Variants in MLLT1 observed in about 807,000 individuals in gnomAD.
The protein encoded by MLLT1 is MLLT1 super elongation complex subunit.
In MLLT1, 11 loss-of-function variants were observed where a neutral mutation model predicts 55.1. The ratio of observed to expected loss-of-function variants is 0.20; its 90% CI spans 0.13 to 0.33. MLLT1 has a LOEUF of 0.33. Ranked by LOEUF, MLLT1 falls within the 10% of genes least tolerant of loss-of-function variation. The pLI, the probability that MLLT1 is intolerant of heterozygous loss-of-function variation, is 1.00. For missense variants in MLLT1, 536 were observed against 760.6 expected, an observed-to-expected ratio of 0.70 and a Z score of 3.47; for synonymous variants, 323 against 320.1, an observed-to-expected ratio of 1.01 and a Z score of -0.10.
At chr19:6,278,120 C>T (rs761964307) in intron 1 of MLLT1, among the ~76,000 whole-genome samples, 17 of 152,308 alleles carry the variant, frequency 1.1e-4, no homozygotes, top group South Asian at 4.1e-4. Flanking sequence ...ACTTCAGTGG[C>T]GCCAGCAGCC....
intron 2 of MLLT1, among the ~76,000 whole-genome samples, chr19:6,268,955 A>G (rs56132639): frequency 0.03 from 4,643 of 152,328 alleles, 219 homozygotes; most frequent in African/African-American, 0.11. Context: ...AGGTGAAATC[A>G]ACAGCCTCAA....
Position 6,270,888 on chromosome 19 carries a change from A to T in MLLT1, c.13-129T>A. Reference sequence around the variant, plus strand: ...ATACGCTCTCAACCCAGTGAGCAGCACACAGACGGCTTCCTATCGCGCCAG... The same window carrying T: ...ATACGCTCTCAACCCAGTGAGCAGCTCACAGACGGCTTCCTATCGCGCCAG... On this transcript the variant is annotated intron_variant, in intron 1 of 11. Transcript: ENST00000252674. The surrounding 1 kb of genome is among the most constrained non-coding windows in gnomAD (Gnocchi z 7.1). The T allele has an allele frequency of 2.3e-6, 2 of 869,422 alleles. No individual in the cohort carries two copies. The highest frequency in any genetic ancestry group is 3.4e-6 in the Non-Finnish European group (2 of 588,028). The allele number at this position is 869,422 out of a possible 1,614,324, so 53.9% of individuals were successfully genotyped here.
Position 6,231,516 on chromosome 19 carries a change from A to G in MLLT1, c.277-803T>C, listed in dbSNP as rs2144879909. Among the ~76,000 whole-genome samples the G allele has an allele frequency of 6.6e-6, 1 of 151,774 alleles. No individual in the cohort carries two copies. Among genetic ancestry groups the G allele is most frequent in the East Asian group, 2.0e-4 (1 of 5,126 alleles). The stretch of plus-strand genomic sequence containing the variant: ...GTGAACCTTGAAATTTCGAAGCAAG[A>G]CATTTTTTTTTTTGAGATGGAGTCT... On this transcript the variant is annotated intron_variant, in intron 3 of 11. Coordinates refer to ENST00000252674, the MANE Select transcript of MLLT1 (RefSeq NM_005934.4). The surrounding 1 kb of genome is among the most constrained non-coding windows in gnomAD (Gnocchi z 5.1).
At chr19:6,266,519 C>T (rs1352401323) in intron 2 of MLLT1, among the ~76,000 whole-genome samples, 1 of 151,898 alleles carries the variant, frequency 6.6e-6, no homozygotes, top group Non-Finnish European at 1.5e-5. Context: ...TGCAGTGGTA[C>T]GACCTCAGCT....
At chr19:6,214,978 G>A (rs970422654) in intron 8 of MLLT1, among the ~76,000 whole-genome samples, 20 of 152,016 alleles carry the variant, frequency 1.3e-4, no homozygotes, top group African/African-American at 3.9e-4. Context: ...GCTGCCTCCC[G>A]GCTCTGGCAG....
In MLLT1 at chr19:6,228,374, G is replaced by A. The variant is rs116163642; in HGVS notation, c.421-1272C>T. Among the ~76,000 whole-genome samples, 169 of 152,244 alleles carry A rather than the reference G, an allele frequency of 1.1e-3. 1 individual carries two copies. Among genetic ancestry groups the A allele is most frequent in the African/African-American group, 3.9e-3 (160 of 41,548 alleles). The stretch of plus-strand genomic sequence containing the variant: ...CTGTTTCAGGATCACGCAGTGTCTC[G>A]CTCTAGCACAGACCGTTGAGAAAAA... On this transcript the variant is annotated intron_variant, in intron 4 of 11. Transcript: ENST00000252674.
At chr19:6,276,795 G>C (rs1044683248) in intron 1 of MLLT1, among the ~76,000 whole-genome samples, 2 of 152,194 alleles carry the variant, frequency 1.3e-5, no homozygotes, top group Admixed American at 1.3e-4. Context: ...ACTTGGGGCG[G>C]AGGGGGAATC....
intron 2 of MLLT1, among the ~76,000 whole-genome samples, chr19:6,269,352 C>T (rs922401297): frequency 6.6e-6 from 1 of 152,176 alleles, no homozygotes; most frequent in South Asian, 2.1e-4. Context: ...AGGAAGTGCT[C>T]GATAGATGGC....
rs921600723 is a variant in MLLT1, at chr19:6,218,033, C to G, written c.1119G>C (p.Gln373His). ...TGGAGCTGGAGTTGGACGGGCTTGA[C>G]TGGGCAGACTTCACCCAATGGTGGG... ...DEASFKSESA[Q>H]SSPSNSSSSS... The change falls in exon 7 of 12, where the codon CAG becomes CAC. Residue 373 changes from glutamine to histidine, a missense_variant. By Grantham distance (24) the Gln-to-His change is conservative (BLOSUM62 0). Around this residue, in one of 3 missense-constraint regions of MLLT1, gnomAD observed 449 missense variants for 489.0 expected, o/e 0.92. Coordinates refer to ENST00000252674, the MANE Select transcript of MLLT1 (RefSeq NM_005934.4). 3 of 1,609,630 alleles carry G rather than the reference C, an allele frequency of 1.9e-6. No individual in the cohort carries two copies. Among genetic ancestry groups the G allele is most frequent in the African/African-American group, 2.7e-5 (2 of 74,762 alleles).
chr19:6,261,298 C>A (rs538320651), intron 3 of MLLT1, among the ~76,000 whole-genome samples: 1 of 152,368 alleles, frequency 6.6e-6, no homozygotes, highest in African/African-American at 2.4e-5. Context: ...ATCGGCCAAG[C>A]TGCACCGGCT....
In MLLT1 at chr19:6,256,585, T is replaced by A. The variant is rs1415322636; in HGVS notation, c.276+5643A>T. 6.6e-6 allele frequency among the ~76,000 whole-genome samples: 1 copy of A among 152,082 alleles called. No homozygotes were observed. The highest frequency in any genetic ancestry group is 1.9e-4 in the East Asian group (1 of 5,176). ...CTGGCTAACACGGTGAAACCTGGTCTCTACTACAAATACAAAAAATTAGCC... is the reference window on the plus strand; with the variant it reads ...CTGGCTAACACGGTGAAACCTGGTCACTACTACAAATACAAAAAATTAGCC... On this transcript the variant is annotated intron_variant, in intron 3 of 11. Coordinates refer to ENST00000252674, the MANE Select transcript of MLLT1 (RefSeq NM_005934.4). This position sits in a 1 kb window ranked among gnomAD's most constrained non-coding sequence, Gnocchi z 4.1.
At chr19:6,236,710 G>A (rs2091064471) in intron 3 of MLLT1, among the ~76,000 whole-genome samples, 1 of 152,176 alleles carries the variant, frequency 6.6e-6, no homozygotes, top group African/African-American at 2.4e-5. Flanking sequence ...AGCATCCCAG[G>A]GGGCTGCGGA....
chr19:6,221,990 G>T, intron 6 of MLLT1, 131 bp downstream of exon 6: 1 of 663,754 alleles, frequency 1.5e-6, no homozygotes, highest in Non-Finnish European at 2.2e-6. Flanking sequence ...GTTACAAGAA[G>T]CCAGTGGGAG....
At chr19:6,217,435 C>A (rs1195920528) in intron 7 of MLLT1, among the ~76,000 whole-genome samples, 1 of 152,178 alleles carries the variant, frequency 6.6e-6, no homozygotes, top group Non-Finnish European at 1.5e-5. Flanking sequence ...GCCCTCCCCA[C>A]TCTGGGGCAG....
intron 6 of MLLT1, among the ~76,000 whole-genome samples, chr19:6,221,895 GAGGCGAGGAGGGACT>G (rs2090901248): frequency 6.6e-6 from 1 of 152,228 alleles, no homozygotes; most frequent in Non-Finnish European, 1.5e-5. Context: ...TGCCACCGAG[GAGGCGAGGAGGGACT>G]CCTCACGAGG....
intron 3 of MLLT1, among the ~76,000 whole-genome samples, chr19:6,260,996 G>A (rs2144938379): frequency 6.6e-6 from 1 of 152,350 alleles, no homozygotes. Flanking sequence ...CTGGGCTGTG[G>A]AGCACCTTTG....
At position 6,226,942 on chromosome 19, in the gene MLLT1, C is replaced by A. The variant is rs780460357; in HGVS notation, c.546+35G>T. 8 of 1,522,122 alleles carry A rather than the reference C, an allele frequency of 5.3e-6. No individual in the cohort carries two copies. The South Asian group carries it at 8.9e-5, about 17-fold the overall frequency. 94.3% of individuals were successfully genotyped at this position (1,522,122 alleles called of 1,614,324 possible). ...CAGACCCACCACAGCTGGGCCCCGGCGCTCCCACGCGACTGGGCCTTCCGC... is the reference window on the plus strand; with the variant it reads ...CAGACCCACCACAGCTGGGCCCCGGAGCTCCCACGCGACTGGGCCTTCCGC... On this transcript the variant is annotated intron_variant, in intron 5 of 11. Coordinates refer to ENST00000252674, the MANE Select transcript of MLLT1 (RefSeq NM_005934.4). The surrounding 1 kb of genome is among the most constrained non-coding windows in gnomAD (Gnocchi z 6.3).
chr19:6,216,368 G>A, intron 8 of MLLT1, 37 bp downstream of exon 8: 1 of 1,493,930 alleles, frequency 6.7e-7, no homozygotes. Flanking sequence ...CGCCCCGGGT[G>A]GCCGCCTCCG....
In MLLT1 at chr19:6,212,571, A is replaced by G; in HGVS notation, c.*471T>C. ...CGGCGCTAGGTCTACACGGAGGACGACGCAGACACACAGGCAGGGCCTTCT... is the reference window on the plus strand; with the variant it reads ...CGGCGCTAGGTCTACACGGAGGACGGCGCAGACACACAGGCAGGGCCTTCT... On this transcript the variant is annotated 3_prime_UTR_variant, in exon 12 of 12. Coordinates refer to ENST00000252674, the MANE Select transcript of MLLT1 (RefSeq NM_005934.4). 1 of 1,087,658 alleles carries G rather than the reference A, an allele frequency of 9.2e-7. No individual in the cohort carries two copies. Among genetic ancestry groups the G allele is most frequent in the Non-Finnish European group, 1.1e-6 (1 of 894,954 alleles). The allele number at this position is 1,087,658 out of a possible 1,614,324, so 67.4% of individuals were successfully genotyped here.
Sources: allele counts gnomAD v4.1 joint callset (sites outside exome capture counted in the v4.1 genomes callset), GRCh38; gene constraint gnomAD v4.1.1; regional missense constraint gnomAD v4.1.1; non-coding constraint Gnocchi (gnomAD v3.1); transcripts MANE v1.5; gene names NCBI Gene and HGNC (gene_info 2026-07-23, HGNC 2026-07-21).